DNMBP: variants seen among roughly 807,000 people sequenced by gnomAD.
The protein encoded by DNMBP is dynamin-binding protein.
Under a neutral mutation model 150.0 loss-of-function variants are expected in DNMBP, and 87 were observed. That is an observed-to-expected ratio of 0.58 (90% CI 0.49 to 0.69). The LOEUF is 0.69. Ranked by LOEUF, DNMBP falls within the 30% of genes least tolerant of loss-of-function variation. The pLI, the probability that DNMBP is intolerant of heterozygous loss-of-function variation, is 0.00. For missense variants in DNMBP, 1,774 were observed against 1,949.0 expected (o/e 0.91, Z 1.69); for synonymous variants, 711 against 750.4 (o/e 0.95, Z 0.86).
At chr10:100,001,188 A>G (rs2041006603) in intron 1 of DNMBP, among the ~76,000 whole-genome samples, 1 of 126,216 alleles carries the variant, frequency 7.9e-6, no homozygotes, top group African/African-American at 2.9e-5. Flanking sequence ...CCGAGATGGC[A>G]CCACTGCACT....
chr10:99,883,127 T>A (rs1273658911), intron 15 of DNMBP, among the ~76,000 whole-genome samples: 1 of 124,926 alleles, frequency 8.0e-6, no homozygotes, highest in African/African-American at 3.1e-5. Context: ...TAGTCTCACA[T>A]CACCTTCATT....
chr10:99,881,215 C>A (rs570131705), intron 15 of DNMBP, among the ~76,000 whole-genome samples: 1 of 151,972 alleles, frequency 6.6e-6, no homozygotes, highest in Non-Finnish European at 1.5e-5. Context: ...GCAACAAGAA[C>A]GAAACTCCGT....
At chr10:99,972,694 T>G (rs1234580169) in intron 1 of DNMBP, among the ~76,000 whole-genome samples, 1 of 152,228 alleles carries the variant, frequency 6.6e-6, no homozygotes, top group Non-Finnish European at 1.5e-5. Flanking sequence ...CACTGCAGCC[T>G]CCAGCTCCTG....
intron 1 of DNMBP, among the ~76,000 whole-genome samples, chr10:99,985,479 G>T (rs559519834): frequency 6.6e-6 from 1 of 152,228 alleles, no homozygotes; most frequent in Non-Finnish European, 1.5e-5. Context: ...CCAGGGGAGA[G>T]TACCTACCTG....
chr10:99,876,285 T>C lies in DNMBP; in HGVS notation c.*866A>G, dbSNP rs925795717. On this transcript the variant is annotated 3_prime_UTR_variant, in exon 17 of 17. Coordinates refer to ENST00000324109, the MANE Select transcript of DNMBP (RefSeq NM_015221.4). ...GTAAAGACCATCAGAAAGGTGTCAT[T>C]GAGGTTGCGGTATGGTGGCTTACAC... 1.3e-5 allele frequency: 2 copies of C among 151,834 alleles called. No homozygotes were observed. The highest frequency in any genetic ancestry group is 4.8e-5 in the African/African-American group (2 of 41,304). The allele number at this position is 151,834 out of a possible 1,614,324, so 9.4% of individuals were successfully genotyped here.
intron 4 of DNMBP, among the ~76,000 whole-genome samples, chr10:99,935,963 C>T (rs1404747757): frequency 4.6e-5 from 7 of 152,060 alleles, no homozygotes; most frequent in Admixed American, 4.6e-4. Context: ...TAGGATTTTG[C>T]CAGGTGCTTT....
intron 11 of DNMBP, among the ~76,000 whole-genome samples, chr10:99,891,196 C>A (rs61872199): frequency 1.4e-5 from 2 of 143,698 alleles, no homozygotes; most frequent in Non-Finnish European, 3.0e-5. Flanking sequence ...CTCTCCCCAC[C>A]GTCTCCCTCT....
intron 4 of DNMBP, chr10:99,930,191 A>G: frequency 1.4e-6 from 1 of 703,002 alleles, no homozygotes; most frequent in Middle Eastern, 2.3e-4. Context: ...TAGTTGCCCA[A>G]CAATCCTCAA....
At chr10:99,891,582 G>A (rs2039561568) in intron 11 of DNMBP, among the ~76,000 whole-genome samples, 1 of 151,792 alleles carries the variant, frequency 6.6e-6, no homozygotes, top group South Asian at 2.1e-4. Context: ...TGCAGCCTCT[G>A]CCCGGCCGCC....
chr10:100,000,857 G>T (rs1315874214), intron 1 of DNMBP, among the ~76,000 whole-genome samples: 12 of 99,942 alleles, frequency 1.2e-4, no homozygotes, highest in Non-Finnish European at 2.1e-5. Context: ...CACCTGTTAT[G>T]GCAAAAAAAA....
chr10:99,946,225 T>C (rs2040356092), intron 4 of DNMBP, among the ~76,000 whole-genome samples: 1 of 152,260 alleles, frequency 6.6e-6, no homozygotes, highest in Admixed American at 6.5e-5. Flanking sequence ...CCCAGAGTGC[T>C]GGGATTACAG....
rs1269529604 is a variant in DNMBP, at chr10:100,001,435, A to G, written c.-11+8403T>C. Among the ~76,000 whole-genome samples the G allele has an allele frequency of 1.4e-3, 174 of 127,642 alleles. 2 individuals are homozygous for G. The highest frequency in any genetic ancestry group is 4.4e-3 in the African/African-American group (138 of 31,622). The allele number at this position is 127,642 out of a possible 152,430, so 83.7% of individuals were successfully genotyped here. ...GTTGTTTTTTTTTTTTTTTTGAGAC[A>G]GGGTCTCACTCTGTTGCCCAGGCTG... On this transcript the variant is annotated intron_variant, in intron 1 of 16. Coordinates refer to ENST00000324109, the MANE Select transcript of DNMBP (RefSeq NM_015221.4).
intron 1 of DNMBP, among the ~76,000 whole-genome samples, chr10:99,973,736 T>C (rs965660558): frequency 6.6e-6 from 1 of 152,160 alleles, no homozygotes; most frequent in African/African-American, 2.4e-5. Flanking sequence ...TCCCAGCACT[T>C]TGCGAGGCCA....
chr10:99,961,288 TTTG>T (rs2040561890), intron 3 of DNMBP, among the ~76,000 whole-genome samples: 1 of 137,820 alleles, frequency 7.3e-6, no homozygotes. Flanking sequence ...TTTTTTTTTT[TTTG>T]TGGAGACAGG....
chr10:99,917,177 C>A (rs1456741961), intron 4 of DNMBP, among the ~76,000 whole-genome samples: 1 of 151,852 alleles, frequency 6.6e-6, no homozygotes, highest in Non-Finnish European at 1.5e-5. Flanking sequence ...GCTAACATGG[C>A]GAAAACCCGT....
intron 4 of DNMBP, among the ~76,000 whole-genome samples, chr10:99,911,716 T>C (rs1438939090): frequency 6.6e-6 from 1 of 152,202 alleles, no homozygotes; most frequent in East Asian, 1.9e-4. Context: ...TTATTCAAAA[T>C]AAAACTTAAG....
chr10:99,885,954 C>G (rs1381866253), intron 13 of DNMBP, 88 bp from the exon 14 acceptor site: 12 of 1,258,538 alleles, frequency 9.5e-6, no homozygotes, highest in Non-Finnish European at 1.3e-5. Flanking sequence ...GATGAAAGAT[C>G]CCGGATTGAC....
intron 3 of DNMBP, among the ~76,000 whole-genome samples, chr10:99,964,135 C>CTTTTTT (rs895801002): frequency 5.5e-4 from 48 of 87,212 alleles, no homozygotes; most frequent in South Asian, 8.7e-4. Context: ...TATTCTCTCT[C>CTTTTTT]TTTTTTTTTT....
At chr10:99,924,740 T>C (rs2040059474) in intron 4 of DNMBP, among the ~76,000 whole-genome samples, 6 of 152,242 alleles carry the variant, frequency 3.9e-5, no homozygotes, top group Admixed American at 1.3e-4. Context: ...TACAGACTGT[T>C]GGAACAGATA....
Sources: gnomAD v4.1 joint callset for allele counts (sites outside exome capture counted in the v4.1 genomes callset) on GRCh38, gnomAD v4.1.1 for gene constraint, MANE v1.5 for transcripts, NCBI Gene and HGNC (gene_info 2026-07-23, HGNC 2026-07-21) for gene names.